The following NID2 variants were observed in gnomAD, a reference collection of about 807,000 sequenced individuals.
The protein encoded by NID2 is nidogen-2.
A neutral mutation model predicts 145.4 loss-of-function variants in NID2; 83 were observed. The observed-to-expected ratio is 0.57, with a 90% confidence interval of 0.48 to 0.69. NID2 has a LOEUF of 0.69. Among genes scored for constraint, NID2 ranks in the 30% least tolerant of loss-of-function variants. The pLI, the probability that NID2 is intolerant of heterozygous loss-of-function variation, is 0.00. For missense variants in NID2, 1,807 were observed against 1,765.7 expected (o/e 1.02, Z -0.42); for synonymous variants, 739 against 701.3 (o/e 1.05, Z -0.85).
chr14:52,058,786 A>C (rs1892933982), intron 3 of NID2, among the ~76,000 whole-genome samples: 1 of 152,022 alleles, frequency 6.6e-6, no homozygotes, highest in African/African-American at 2.4e-5. Context: ...GTGTCTTAGA[A>C]ATCTTTGTAT....
intron 9 of NID2, among the ~76,000 whole-genome samples, chr14:52,037,719 T>C (rs950309922): frequency 3.9e-5 from 6 of 152,232 alleles, no homozygotes; most frequent in African/African-American, 1.2e-4. Flanking sequence ...TTATGTTGAA[T>C]TAATAGATCA....
At chr14:52,028,520 C>T (rs1374075883) in intron 11 of NID2, 1 of 455,874 alleles carries the variant, frequency 2.2e-6, no homozygotes, top group Non-Finnish European at 3.7e-6. Flanking sequence ...AAGCGATCCA[C>T]CTGCCTCAGC....
intron 14 of NID2, among the ~76,000 whole-genome samples, chr14:52,017,948 A>T (rs1177227854): frequency 6.6e-6 from 1 of 152,046 alleles, no homozygotes; most frequent in Non-Finnish European, 1.5e-5. Flanking sequence ...CCTCCCGAGG[A>T]GCTGGGACTA....
At chr14:52,065,609 G>A (rs1022678435) in intron 2 of NID2, among the ~76,000 whole-genome samples, 7 of 123,186 alleles carry the variant, frequency 5.7e-5, no homozygotes, top group Admixed American at 1.7e-4. Context: ...ACCCACTAAC[G>A]TGTCATCTAG....
At position 52,030,577 on chromosome 14, in the gene NID2, G is replaced by GAAA. The variant is rs1566755681; in HGVS notation, c.2258-888_2258-887insTTT. Among the ~76,000 whole-genome samples, 14 of 92,946 alleles carry GAAA rather than the reference G, an allele frequency of 1.5e-4. 1 individual carries two copies. Among genetic ancestry groups the GAAA allele is most frequent in the East Asian group, 4.0e-4 (1 of 2,526 alleles). The allele number at this position is 92,946 out of a possible 152,430, so 61.0% of individuals were successfully genotyped here. ...GAAAGAAAGAAAGAAAGGAAGGAAG[G>GAAA]GAAAGAAAGAAAGAAAGAAAGAAAG... On this transcript the variant is annotated intron_variant, in intron 9 of 21. Coordinates refer to ENST00000216286, the MANE Select transcript of NID2 (RefSeq NM_007361.4).
At chr14:52,028,364 T>A (rs558131752) in intron 11 of NID2, among the ~76,000 whole-genome samples, 1 of 152,028 alleles carries the variant, frequency 6.6e-6, no homozygotes, top group South Asian at 2.1e-4. Context: ...AACCTCTGCC[T>A]CCTGCGCTCA....
intron 5 of NID2, among the ~76,000 whole-genome samples, chr14:52,045,866 C>A (rs560105171): frequency 1.4e-5 from 2 of 145,172 alleles, no homozygotes; most frequent in African/African-American, 5.2e-5. Flanking sequence ...CAACCTCAGC[C>A]CTCCCTCGGG....
At chr14:52,042,454 G>T in intron 6 of NID2, 104 bp from the exon 7 acceptor site, 5 of 1,372,704 alleles carry the variant, frequency 3.6e-6, no homozygotes, top group Non-Finnish European at 4.9e-6. Flanking sequence ...TCACTCTTTA[G>T]CAAGTCACTT....
At chr14:52,040,313 A>G (rs1229048187) in intron 8 of NID2, among the ~76,000 whole-genome samples, 4 of 152,054 alleles carry the variant, frequency 2.6e-5, no homozygotes, top group Non-Finnish European at 5.9e-5. Context: ...ATAAATATAA[A>G]TTCCAATAAT....
At chr14:52,066,333 A>G (rs1893215620) in intron 2 of NID2, among the ~76,000 whole-genome samples, 1 of 152,002 alleles carries the variant, frequency 6.6e-6, no homozygotes, top group African/African-American at 2.4e-5. Context: ...AAAAAAAAAA[A>G]ATAGAAGGAA....
In NID2 at chr14:52,060,333, CA is replaced by C; in HGVS notation, c.557del (p.Leu186TrpfsTer50). ...CGTAGCTATCAGACCCATCAGATGC[CA>C]AAACTGCCTGGAAAGTGTTCAGCTG... ...SGELNTFQAV[L>X]ASDGSDSYAL... On this transcript the variant is annotated frameshift_variant, in exon 3 of 22. Transcript: ENST00000216286. LOFTEE classifies it high-confidence loss of function. 1.4e-6 allele frequency: 2 copies of C among 1,475,864 alleles called. No homozygotes were observed. Among genetic ancestry groups the C allele is most frequent in the Non-Finnish European group, 1.8e-6 (2 of 1,104,210 alleles). 91.4% of individuals were successfully genotyped at this position (1,475,864 alleles called of 1,614,324 possible).
intron 16 of NID2, chr14:52,011,926 G>T: frequency 2.2e-6 from 1 of 455,828 alleles, no homozygotes; most frequent in Non-Finnish European, 4.0e-6. Flanking sequence ...GAGGCCAATA[G>T]TGTACCTGCC....
intron 8 of NID2, among the ~76,000 whole-genome samples, chr14:52,039,638 G>A (rs1892203033): frequency 6.6e-6 from 1 of 152,168 alleles, no homozygotes; most frequent in Non-Finnish European, 1.5e-5. Flanking sequence ...CAGCATAGGA[G>A]CAGCAGGGGT....
Position 52,020,088 on chromosome 14 carries a change from T to C in NID2, c.2765A>G (p.Tyr922Cys). The C allele has an allele frequency of 6.2e-7, 1 of 1,614,024 alleles. No individual in the cohort carries two copies. Among genetic ancestry groups the C allele is most frequent in the Non-Finnish European group, 8.5e-7 (1 of 1,179,914 alleles). Residue 922 changes from tyrosine to cysteine, a missense_variant, in exon 13 of 22, where the codon TAT becomes TGT. Tyr to Cys is a radical substitution (Grantham distance 194). Transcript: ENST00000216286. ...GSFSCRCQPG[Y>C]YGDGFQCIPD... The stretch of plus-strand genomic sequence containing the variant: ...TATGCACTGAAATCCATCCCCATAA[T>C]ATCCGGGTTGACAACGGCAGGAGAA...
At chr14:52,011,500 CA>C (rs1891018742) in intron 17 of NID2, 53 bp downstream of exon 17, 1 of 1,610,674 alleles carries the variant, frequency 6.2e-7, no homozygotes, top group Admixed American at 1.7e-5. Flanking sequence ...GTAAAGTAGA[CA>C]AGTGACTTTG....
intron 9 of NID2, 75 bp downstream of exon 9, chr14:52,038,672 G>A (rs1595034076): frequency 8.3e-7 from 1 of 1,211,324 alleles, no homozygotes; most frequent in East Asian, 2.4e-5. Flanking sequence ...GTAACCCTTA[G>A]TAACCTCTGT....
chr14:52,040,530 C>T, intron 8 of NID2, 121 bp downstream of exon 8: 1 of 804,244 alleles, frequency 1.2e-6, no homozygotes, highest in Non-Finnish European at 2.1e-6. Flanking sequence ...CATAATAGAG[C>T]TCATTTTATG....
In NID2 at chr14:52,020,112, A is replaced by T; in HGVS notation, c.2741T>A (p.Phe914Tyr). The T allele has an allele frequency of 1.9e-6, 3 of 1,614,176 alleles. No individual in the cohort carries two copies. Among genetic ancestry groups the T allele is most frequent in the Non-Finnish European group, 2.5e-6 (3 of 1,179,982 alleles). The change falls in exon 13 of 22, where the codon TTC becomes TAC. Residue 914 changes from phenylalanine (F) to tyrosine (Y), a missense_variant. Coordinates refer to ENST00000216286, the MANE Select transcript of NID2 (RefSeq NM_007361.4). ...AATCYNTPGSFSCRCQPGYYG... is the reference protein window; with the variant it reads ...AATCYNTPGSYSCRCQPGYYG... ...ATATCCGGGTTGACAACGGCAGGAG[A>T]AGGAACCAGGAGTATTGTAGCAGGT... is the stretch of plus-strand genomic sequence containing the variant.
intron 9 of NID2, among the ~76,000 whole-genome samples, chr14:52,029,954 CA>C: frequency 6.6e-6 from 1 of 152,240 alleles, no homozygotes; most frequent in East Asian, 1.9e-4. Context: ...TAAAAACGCC[CA>C]AAACATCTGT....
Sources: gnomAD v4.1 joint callset for allele counts (sites outside exome capture counted in the v4.1 genomes callset) on GRCh38, gnomAD v4.1.1 for gene constraint, MANE v1.5 for transcripts, NCBI Gene and HGNC (gene_info 2026-07-23, HGNC 2026-07-21) for gene names.